The following SINHCAF variants were observed in gnomAD, a reference collection of about 807,000 sequenced individuals.
SINHCAF encodes SIN3-HDAC complex-associated factor.
Under a neutral mutation model 25.8 loss-of-function variants are expected in SINHCAF, and 3 were observed. That is an observed-to-expected ratio of 0.12 (90% CI 0.05 to 0.30). The LOEUF (loss-of-function observed/expected upper bound fraction) is 0.30. Among genes scored for constraint, SINHCAF ranks in the 10% least tolerant of loss-of-function variants. The probability of loss-of-function intolerance (pLI) is 1.00; values close to 1 mark genes in which losing one functional copy is unlikely to be tolerated. For synonymous variants in SINHCAF, 70 were observed against 85.5 expected (o/e 0.82, Z 1.00); for missense variants, 121 against 262.3 (o/e 0.46, Z 3.72).
chr12:31,288,704 A>T (rs747408146), intron 4 of SINHCAF, among the ~76,000 whole-genome samples: 29 of 152,226 alleles, frequency 1.9e-4, no homozygotes, highest in Non-Finnish European at 3.7e-4. Flanking sequence ...GTTAAAATAG[A>T]AGGGTTAAAT....
At chr12:31,306,953 C>G (rs1451306248) in intron 1 of SINHCAF, among the ~76,000 whole-genome samples, 1 of 152,208 alleles carries the variant, frequency 6.6e-6, no homozygotes, top group Non-Finnish European at 1.5e-5. Flanking sequence ...CCTGCTTTAA[C>G]CTTACCACCT....
chr12:31,287,832 T>C (rs1434681815), intron 4 of SINHCAF, 48 bp from the exon 5 acceptor site: 2 of 1,429,794 alleles, frequency 1.4e-6, no homozygotes, highest in East Asian at 2.4e-5. Context: ...TTTCATTACA[T>C]GTAATTGCAA....
At chr12:31,293,986 C>A in intron 3 of SINHCAF, 55 bp from the exon 4 acceptor site, 1 of 1,463,554 alleles carries the variant, frequency 6.8e-7, no homozygotes, top group Non-Finnish European at 9.2e-7. Context: ...CCAGTGTATC[C>A]CTTTGGTTCA....
At chr12:31,284,054 C>G (rs1937932076) in intron 5 of SINHCAF, among the ~76,000 whole-genome samples, 1 of 152,118 alleles carries the variant, frequency 6.6e-6, no homozygotes, top group Non-Finnish European at 1.5e-5. Flanking sequence ...GTGGACACAT[C>G]TTAAAGGTTT....
rs61080173 is a variant in SINHCAF, at chr12:31,299,319, A to AAAAT, written c.-20-1096_-20-1095insATTT. 8.9e-3 allele frequency among the ~76,000 whole-genome samples: 1,346 copies of AAAAT among 151,246 alleles called. 10 individuals carry two copies. The highest frequency in any genetic ancestry group is 0.037 in the East Asian group (191 of 5,156). On this transcript the variant is annotated intron_variant, in intron 1 of 5. Transcript: ENST00000337682. ...ACATAAAGCAACAATAAAAGAAAAA[A>AAAAT]ATTTTTTTTTTTTTGGAGACAGAGT... is the stretch of plus-strand genomic sequence containing the variant.
chr12:31,310,994 T>C (rs1232586569), intron 1 of SINHCAF, among the ~76,000 whole-genome samples: 1 of 151,902 alleles, frequency 6.6e-6, no homozygotes, highest in Non-Finnish European at 1.5e-5. Flanking sequence ...CTCAGCCTCC[T>C]GAGGAACTAA....
intron 3 of SINHCAF, 104 bp downstream of exon 3, chr12:31,295,130 G>A (rs1163837692): frequency 1.4e-6 from 1 of 693,260 alleles, no homozygotes; most frequent in African/African-American, 1.8e-5. Flanking sequence ...ATTCTTTTCA[G>A]ACTTTTCTAC....
At chr12:31,309,127 CAAAA>C (rs757095598) in intron 1 of SINHCAF, among the ~76,000 whole-genome samples, 1,345 of 75,394 alleles carry the variant, frequency 0.018, 8 homozygotes, top group East Asian at 0.049. Context: ...GATTCTGTCT[CAAAA>C]AAAAAAAAAA....
intron 1 of SINHCAF, among the ~76,000 whole-genome samples, chr12:31,299,236 C>T (rs1358296383): frequency 6.6e-6 from 1 of 152,002 alleles, no homozygotes; most frequent in Non-Finnish European, 1.5e-5. Flanking sequence ...CTCCAATGGA[C>T]AAGTCAGAGG....
At chr12:31,285,846 G>T (rs546258049) in intron 5 of SINHCAF, among the ~76,000 whole-genome samples, 1 of 151,938 alleles carries the variant, frequency 6.6e-6, no homozygotes, top group Admixed American at 6.6e-5. Flanking sequence ...ATGGTGGTGC[G>T]TGCCTGTAGA....
chr12:31,310,079 G>A (rs186679309), intron 1 of SINHCAF, among the ~76,000 whole-genome samples: 4 of 152,218 alleles, frequency 2.6e-5, no homozygotes, highest in Admixed American at 1.3e-4. Context: ...TATGGATGTC[G>A]TGGAAATTTC....
chr12:31,302,301 C>G (rs1938830185), intron 1 of SINHCAF, among the ~76,000 whole-genome samples: 1 of 151,940 alleles, frequency 6.6e-6, no homozygotes, highest in South Asian at 2.1e-4. Flanking sequence ...CTAAAAGCCA[C>G]TGAATTGTAC....
chr12:31,323,156 A>C (rs1173311003), intron 1 of SINHCAF, among the ~76,000 whole-genome samples: 2 of 152,152 alleles, frequency 1.3e-5, no homozygotes, highest in Non-Finnish European at 2.9e-5. Flanking sequence ...CTGAATAACC[A>C]CCAAACACTG....
chr12:31,298,254 T>C (rs775936650), intron 1 of SINHCAF, 30 bp from the exon 2 acceptor site: 9 of 1,610,396 alleles, frequency 5.6e-6, no homozygotes, highest in Non-Finnish European at 7.6e-6. Flanking sequence ...GACATATCTT[T>C]GTTGAGGGCT....
In SINHCAF at chr12:31,293,935, G is replaced by T; in HGVS notation, c.229-4C>A. On this transcript the variant is annotated splice_polypyrimidine_tract_variant and splice_region_variant and intron_variant, in intron 3 of 5. Coordinates refer to ENST00000337682, the MANE Select transcript of SINHCAF (RefSeq NM_001135812.2). ...GTCCAGCCCTTGCATCTACCACCTG[G>T]AAGAAAATACTGAATATTTAATAAT... is the stretch of plus-strand genomic sequence containing the variant. The T allele has an allele frequency of 6.3e-7, 1 of 1,585,428 alleles. No individual in the cohort carries two copies. The highest frequency in any genetic ancestry group is 1.2e-5 in the South Asian group (1 of 85,508).
At chr12:31,322,828 T>G (rs1165325975) in intron 1 of SINHCAF, among the ~76,000 whole-genome samples, 1 of 152,112 alleles carries the variant, frequency 6.6e-6, no homozygotes, top group Non-Finnish European at 1.5e-5. Flanking sequence ...AAGCAACAGA[T>G]ATGGTGGTGG....
chr12:31,321,923 T>C (rs1410922713), intron 1 of SINHCAF, among the ~76,000 whole-genome samples: 1 of 152,152 alleles, frequency 6.6e-6, no homozygotes, highest in Non-Finnish European at 1.5e-5. Flanking sequence ...ATTGCTTCTC[T>C]GACATAAATA....
At chr12:31,323,844 G>GC (rs1005869929) in intron 1 of SINHCAF, 3 of 430,300 alleles carry the variant, frequency 7.0e-6, no homozygotes, top group Non-Finnish European at 1.4e-5. Flanking sequence ...GGACTTGCGG[G>GC]CCACAGCTCG....
At chr12:31,319,958 T>C (rs1432735392) in intron 1 of SINHCAF, among the ~76,000 whole-genome samples, 1 of 152,220 alleles carries the variant, frequency 6.6e-6, no homozygotes, top group Non-Finnish European at 1.5e-5. Flanking sequence ...GAGCTCTTCC[T>C]TCACCCTCTG....
Sources: gnomAD v4.1 joint callset for allele counts (sites outside exome capture counted in the v4.1 genomes callset) on GRCh38, gnomAD v4.1.1 for gene constraint, MANE v1.5 for transcripts, NCBI Gene and HGNC (gene_info 2026-07-23, HGNC 2026-07-21) for gene names.